Variants in SCAMP1 observed in about 807,000 individuals in gnomAD.
SCAMP1 encodes secretory carrier membrane protein 1, also known as secretory carrier-associated membrane protein 1.
SCAMP1 carries 15 observed loss-of-function variants against 41.8 expected under a neutral mutation model. That is an observed-to-expected ratio of 0.36 (90% CI 0.24 to 0.55). SCAMP1 has a LOEUF of 0.55. Ranked by LOEUF, SCAMP1 falls within the 20% of genes least tolerant of loss-of-function variation. The pLI is 0.86. For synonymous variants in SCAMP1, 135 were observed against 136.8 expected (o/e 0.99, Z 0.09); for missense variants, 341 against 412.6 (o/e 0.83, Z 1.50).
At chr5:78,451,150 G>GT (rs1753215695) in intron 7 of SCAMP1, among the ~76,000 whole-genome samples, 1 of 152,160 alleles carries the variant, frequency 6.6e-6, no homozygotes, top group Admixed American at 6.5e-5. Context: ...ATAACAGCAT[G>GT]TATGTGACTA....
intron 2 of SCAMP1, among the ~76,000 whole-genome samples, chr5:78,408,056 T>C (rs1206654618): frequency 6.6e-6 from 1 of 152,194 alleles, no homozygotes; most frequent in Admixed American, 6.5e-5. Context: ...TTTATCTGTG[T>C]TAATTTCTTG....
chr5:78,381,907 G>A (rs1454980863), intron 1 of SCAMP1, among the ~76,000 whole-genome samples: 1 of 152,170 alleles, frequency 6.6e-6, no homozygotes, highest in African/African-American at 2.4e-5. Context: ...TTTATAGTTT[G>A]TGTAGAGCCT....
intron 2 of SCAMP1, among the ~76,000 whole-genome samples, chr5:78,396,963 A>G (rs533121668): frequency 2.6e-5 from 4 of 152,320 alleles, no homozygotes; most frequent in Non-Finnish European, 5.9e-5. Flanking sequence ...TTAAGAAGAA[A>G]GAACTGGGAA....
Position 78,369,489 on chromosome 5 carries a change from C to T in SCAMP1, c.57+8761C>T, listed in dbSNP as rs1750888059. 2.0e-5 allele frequency among the ~76,000 whole-genome samples: 3 copies of T among 152,070 alleles called. No homozygotes were observed. The South Asian group carries it at 6.2e-4, about 32-fold the overall frequency. Reference sequence around the variant, plus strand: ...CCCAAGACAATTACAGTAGTAACATCAAGTATCACTGATCACAGATCACCA... The same window carrying T: ...CCCAAGACAATTACAGTAGTAACATTAAGTATCACTGATCACAGATCACCA... On this transcript the variant is annotated intron_variant, in intron 1 of 8. Transcript: ENST00000621999.
intron 6 of SCAMP1, among the ~76,000 whole-genome samples, chr5:78,434,330 G>C (rs1752691737): frequency 6.6e-6 from 1 of 152,070 alleles, no homozygotes; most frequent in Non-Finnish European, 1.5e-5. Context: ...GTTATTTTTG[G>C]GGTTGTTTGC....
chr5:78,403,609 A>G (rs1751851946), intron 2 of SCAMP1, among the ~76,000 whole-genome samples: 1 of 152,282 alleles, frequency 6.6e-6, no homozygotes, highest in Non-Finnish European at 1.5e-5. Context: ...TAGGCAATGT[A>G]GTGAGATCAC....
intron 8 of SCAMP1, among the ~76,000 whole-genome samples, chr5:78,473,421 C>T (rs775562056): frequency 2.0e-5 from 3 of 152,148 alleles, no homozygotes; most frequent in African/African-American, 7.2e-5. Context: ...TTTCCTCTCC[C>T]AGTCATTCTT....
chr5:78,366,935 A>C (rs1488772445), intron 1 of SCAMP1, among the ~76,000 whole-genome samples: 11 of 151,490 alleles, frequency 7.3e-5, no homozygotes, highest in Non-Finnish European at 1.5e-4. Flanking sequence ...AAAAAAAAAA[A>C]AACCCAAAAA....
At chr5:78,442,462 T>C (rs113925295) in intron 6 of SCAMP1, among the ~76,000 whole-genome samples, 5,375 of 152,218 alleles carry the variant, frequency 0.035, 341 homozygotes, top group African/African-American at 0.12. Context: ...TTTCACCATG[T>C]TGGCCAGGCT....
intron 2 of SCAMP1, among the ~76,000 whole-genome samples, chr5:78,408,575 AAGTT>A (rs1381349230): frequency 6.6e-6 from 1 of 152,024 alleles, no homozygotes; most frequent in African/African-American, 2.4e-5. Flanking sequence ...TGAGATCTGC[AAGTT>A]GGTAGGTTTT....
chr5:78,417,854 T>G (rs1752247071), intron 4 of SCAMP1, among the ~76,000 whole-genome samples: 1 of 152,170 alleles, frequency 6.6e-6, no homozygotes, highest in East Asian at 1.9e-4. Flanking sequence ...CACAGGAGAC[T>G]CATTGGGGAG....
rs1417072020 is a variant in SCAMP1, at chr5:78,478,433, A to C, written c.*2765A>C. The C allele has an allele frequency of 6.6e-6, 1 of 152,570 alleles. No individual in the cohort carries two copies. The highest frequency in any genetic ancestry group is 2.4e-5 in the African/African-American group (1 of 41,462). The allele number at this position is 152,570 out of a possible 1,614,324, so 9.5% of individuals were successfully genotyped here. ...ACAAAATAATATGAAAGACCTAGTT[A>C]AAAATTCTAACCAATGTAAAATGAC... is the stretch of plus-strand genomic sequence containing the variant. On this transcript the variant is annotated 3_prime_UTR_variant, in exon 9 of 9. Coordinates refer to ENST00000621999, the MANE Select transcript of SCAMP1 (RefSeq NM_004866.6).
intron 1 of SCAMP1, among the ~76,000 whole-genome samples, chr5:78,384,969 A>G (rs78284018): frequency 6.6e-6 from 1 of 152,132 alleles, no homozygotes; most frequent in African/African-American, 2.4e-5. Flanking sequence ...GCTTCATAGA[A>G]TGATTTAGGG....
chr5:78,395,507 C>T (rs948877745), intron 2 of SCAMP1, among the ~76,000 whole-genome samples: 2 of 152,224 alleles, frequency 1.3e-5, no homozygotes, highest in African/African-American at 4.8e-5. Flanking sequence ...AGTTCAGATA[C>T]AGCATTACTT....
chr5:78,459,611 GAGTC>G (rs1753532768), intron 8 of SCAMP1, among the ~76,000 whole-genome samples: 1 of 152,084 alleles, frequency 6.6e-6, no homozygotes, highest in Non-Finnish European at 1.5e-5. Flanking sequence ...ATGAGTTAAA[GAGTC>G]AGCCTCATTT....
chr5:78,368,934 C>T (rs116372454), intron 1 of SCAMP1, among the ~76,000 whole-genome samples: 2,132 of 151,926 alleles, frequency 0.014, 20 homozygotes, highest in Middle Eastern at 0.031. Flanking sequence ...CTACCATGGC[C>T]TGACAATGCT....
chr5:78,381,455 G>A (rs562903334), intron 1 of SCAMP1, among the ~76,000 whole-genome samples: 1 of 152,336 alleles, frequency 6.6e-6, no homozygotes, highest in South Asian at 2.1e-4. Flanking sequence ...TGGATTTGAT[G>A]AAAGTGCTTG....
intron 1 of SCAMP1, among the ~76,000 whole-genome samples, chr5:78,370,078 C>G (rs1406435955): frequency 2.6e-5 from 4 of 152,172 alleles, no homozygotes; most frequent in Admixed American, 2.0e-4. Context: ...ACCTGGCGTT[C>G]TTCTTTCTGT....
At chr5:78,440,727 C>T (rs1453728965) in intron 6 of SCAMP1, among the ~76,000 whole-genome samples, 2 of 152,222 alleles carry the variant, frequency 1.3e-5, no homozygotes, top group Admixed American at 1.3e-4. Flanking sequence ...CCACTACTCT[C>T]TTCAAAGCTG....
Sources: gnomAD v4.1 joint callset for allele counts (sites outside exome capture counted in the v4.1 genomes callset) on GRCh38, gnomAD v4.1.1 for gene constraint, MANE v1.5 for transcripts, NCBI Gene and HGNC (gene_info 2026-07-23, HGNC 2026-07-21) for gene names.